Variants in MITF observed in about 807,000 individuals in gnomAD.
MITF encodes microphthalmia-associated transcription factor.
MITF carries 17 observed loss-of-function variants against 60.5 expected under a neutral mutation model. That is an observed-to-expected ratio of 0.28 (90% CI 0.19 to 0.42). The LOEUF (loss-of-function observed/expected upper bound fraction) is 0.42. Ranked by LOEUF, MITF falls within the 10% of genes least tolerant of loss-of-function variation. The pLI, the probability that MITF is intolerant of heterozygous loss-of-function variation, is 1.00. For synonymous variants in MITF, 260 were observed against 248.5 expected, an observed-to-expected ratio of 1.05 and a Z score of -0.43; for missense variants, 622 against 683.5, an observed-to-expected ratio of 0.91 and a Z score of 1.00.
chr3:69,741,827 G>T (rs984498006), intron 1 of MITF, among the ~76,000 whole-genome samples: 9 of 152,230 alleles, frequency 5.9e-5, no homozygotes, highest in African/African-American at 2.2e-4. Flanking sequence ...GTCGACATCT[G>T]TTGTGTGACT....
At chr3:69,758,695 A>G (rs1172506986) in intron 1 of MITF, 2 of 204,044 alleles carry the variant, frequency 9.8e-6, no homozygotes, top group African/African-American at 2.3e-5. Context: ...AGTGTGTCCA[A>G]TAATGTTTGT....
intron 1 of MITF, among the ~76,000 whole-genome samples, chr3:69,792,045 T>C (rs920459795): frequency 6.6e-6 from 1 of 152,198 alleles, no homozygotes; most frequent in African/African-American, 2.4e-5. Context: ...TGAATCCTCA[T>C]CTGTACTTGC....
At position 69,965,080 on chromosome 3, in the gene MITF, T is replaced by C; in HGVS notation, c.1413T>C (p.Tyr471=). 1.2e-6 allele frequency: 2 copies of C among 1,614,120 alleles called. No individual in the cohort carries two copies. The highest frequency in any genetic ancestry group is 1.7e-6 in the Non-Finnish European group (2 of 1,180,014). The change falls in exon 10 of 10, where the codon TAT becomes TAC. Residue 471 remains tyrosine, a synonymous_variant. Coordinates refer to ENST00000352241, the MANE Select transcript of MITF (RefSeq NM_001354604.2). ...LGTGTEANQA[Y]SVPTKMGSKL... ...CTGGGACTGAGGCCAACCAAGCCTATAGTGTCCCCACAAAAATGGGATCCA... is the reference window on the plus strand; with the variant it reads ...CTGGGACTGAGGCCAACCAAGCCTACAGTGTCCCCACAAAAATGGGATCCA...
In MITF at chr3:69,781,252, G is replaced by A. The variant is rs559670399; in HGVS notation, c.104+41551G>A. Reference sequence around the variant, plus strand: ...GGGTGAGCATGTTCTTTTCAAATACGTGACCAGGTTGTTAATGTTGGGTCC... The same window carrying A: ...GGGTGAGCATGTTCTTTTCAAATACATGACCAGGTTGTTAATGTTGGGTCC... On this transcript the variant is annotated intron_variant, in intron 1 of 9. Transcript: ENST00000352241. Among the ~76,000 whole-genome samples the A allele has an allele frequency of 1.6e-4, 24 of 152,214 alleles. No homozygotes were observed. In the South Asian group the frequency reaches 2.9e-3, roughly 18 times the overall value.
intron 2 of MITF, among the ~76,000 whole-genome samples, chr3:69,935,750 A>G (rs1354347159): frequency 6.6e-6 from 1 of 152,216 alleles, no homozygotes. Context: ...ACCCCAGAAT[A>G]TAAGTTTCAT....
At chr3:69,828,100 T>A (rs1159553628) in intron 1 of MITF, among the ~76,000 whole-genome samples, 2 of 125,284 alleles carry the variant, frequency 1.6e-5, no homozygotes, top group Non-Finnish European at 3.9e-5. Context: ...TGCCAGCTAA[T>A]AAGTAAATCA....
chr3:69,818,799 T>G (rs1489625097), intron 1 of MITF, among the ~76,000 whole-genome samples: 4 of 152,104 alleles, frequency 2.6e-5, no homozygotes, highest in Non-Finnish European at 4.4e-5. Flanking sequence ...AGAGGATTTA[T>G]GGTCAAAGAT....
At position 69,879,186 on chromosome 3, in the gene MITF, A is replaced by G. The variant is rs749338639; in HGVS notation, c.157A>G (p.Met53Val). ...ASKPPISSSS[M>V]TSRILLRQQL... The stretch of plus-strand genomic sequence containing the variant: ...CAAGCCTCCGATAAGCTCCTCCAGT[A>G]TGACATCACGCATCTTGCTACGCCA... Residue 53 changes from methionine to valine, a missense_variant, in exon 2 of 10, where the codon ATG (methionine) becomes GTG (valine). By Grantham distance (21) the Met-to-Val change is conservative (BLOSUM62 1). This residue lies in a region of MITF where 149 missense variants were observed against 157.8 expected (regional missense o/e 0.94). Transcript: ENST00000352241. 37 of 1,614,120 alleles carry G rather than the reference A, an allele frequency of 2.3e-5. No individual in the cohort carries two copies. The highest frequency in any genetic ancestry group is 5.0e-5 in the Admixed American group (3 of 60,010).
intron 1 of MITF, among the ~76,000 whole-genome samples, chr3:69,788,868 A>G (rs894348709): frequency 2.0e-5 from 3 of 152,146 alleles, no homozygotes; most frequent in Admixed American, 6.5e-5. Flanking sequence ...TCTTCATCAA[A>G]TGGGGTTGGG....
intron 1 of MITF, among the ~76,000 whole-genome samples, chr3:69,745,274 A>G (rs1408131547): frequency 6.6e-6 from 1 of 152,166 alleles, no homozygotes; most frequent in Non-Finnish European, 1.5e-5. Context: ...TTCTGTAGCT[A>G]CATGCTCTTG....
At chr3:69,850,747 G>C (rs568855107) in intron 1 of MITF, among the ~76,000 whole-genome samples, 1 of 152,240 alleles carries the variant, frequency 6.6e-6, no homozygotes, top group Non-Finnish European at 1.5e-5. Flanking sequence ...AGTGGCTCAG[G>C]CTCCCCAGAC....
chr3:69,876,498 A>G (rs2064358242), intron 1 of MITF, among the ~76,000 whole-genome samples: 1 of 151,866 alleles, frequency 6.6e-6, no homozygotes, highest in South Asian at 2.1e-4. Context: ...CTTTGAACAC[A>G]TACTCTAAAA....
At chr3:69,908,969 T>C (rs1257720644) in intron 2 of MITF, among the ~76,000 whole-genome samples, 2 of 152,204 alleles carry the variant, frequency 1.3e-5, no homozygotes, top group Non-Finnish European at 2.9e-5. Flanking sequence ...TTATAGGATA[T>C]AGTGATTTCC....
chr3:69,865,059 G>T (rs1001400948), intron 1 of MITF, among the ~76,000 whole-genome samples: 4 of 152,010 alleles, frequency 2.6e-5, no homozygotes, highest in Non-Finnish European at 5.9e-5. Context: ...GGACACAGTT[G>T]GTGTTCCATA....
chr3:69,752,937 G>A (rs2106774550), intron 1 of MITF, among the ~76,000 whole-genome samples: 1 of 152,288 alleles, frequency 6.6e-6, no homozygotes, highest in South Asian at 2.1e-4. Context: ...CCATTTTCTG[G>A]GAAGTAATTC....
chr3:69,848,133 A>G (rs1420225505), intron 1 of MITF, among the ~76,000 whole-genome samples: 1 of 152,254 alleles, frequency 6.6e-6, no homozygotes, highest in African/African-American at 2.4e-5. Context: ...TTGCGAATTT[A>G]TAACAGCAGT....
chr3:69,853,637 A>G (rs2063864171), intron 1 of MITF, among the ~76,000 whole-genome samples: 1 of 152,064 alleles, frequency 6.6e-6, no homozygotes, highest in African/African-American at 2.4e-5. Context: ...TTTTTGTTCT[A>G]ATCACTCCTT....
intron 2 of MITF, among the ~76,000 whole-genome samples, chr3:69,902,192 T>G (rs755540053): frequency 1.8e-4 from 28 of 152,196 alleles, no homozygotes; most frequent in Non-Finnish European, 3.7e-4. Context: ...GCATTCATAT[T>G]ATGTAATTAT....
intron 1 of MITF, among the ~76,000 whole-genome samples, chr3:69,850,147 G>A (rs2063800482): frequency 1.3e-5 from 2 of 152,160 alleles, no homozygotes; most frequent in Non-Finnish European, 2.9e-5. Flanking sequence ...GCTCCCAGAG[G>A]AAAGGAGCAT....
Sources: allele counts gnomAD v4.1 joint callset (sites outside exome capture counted in the v4.1 genomes callset), GRCh38; gene constraint gnomAD v4.1.1; regional missense constraint gnomAD v4.1.1; transcripts MANE v1.5; gene names NCBI Gene and HGNC (gene_info 2026-07-23, HGNC 2026-07-21).